Variants in LRIF1 observed in about 807,000 individuals in gnomAD.
LRIF1 encodes the protein ligand-dependent nuclear receptor-interacting factor 1.
Under a neutral mutation model 52.7 loss-of-function variants are expected in LRIF1, and 32 were observed. That is an observed-to-expected ratio of 0.61 (90% CI 0.46 to 0.82). The LOEUF (loss-of-function observed/expected upper bound fraction) is 0.82. Among genes scored for constraint, LRIF1 ranks in the 40% least tolerant of loss-of-function variants. The probability of loss-of-function intolerance (pLI) is 0.00; values close to 1 mark genes in which losing one functional copy is unlikely to be tolerated. For synonymous variants in LRIF1, 323 were observed against 317.4 expected (o/e 1.02, Z -0.19); for missense variants, 887 against 892.0 (o/e 0.99, Z 0.07).
the LRIF1 span, among the ~76,000 whole-genome samples, chr1:110,900,918 G>C: frequency 6.6e-6 from 1 of 152,056 alleles, no homozygotes; most frequent in Non-Finnish European, 1.5e-5. Context: ...AATTATCTAC[G>C]TATAACCACA....
the LRIF1 span, chr1:110,936,895 T>C: frequency 4.6e-5 from 7 of 152,242 alleles, no homozygotes; most frequent in East Asian, 9.6e-4. Context: ...TGGAAAAAGA[T>C]ATTCCATTCC....
downstream of LRIF1, among the ~76,000 whole-genome samples, chr1:110,945,658 C>T (rs928816869): frequency 6.6e-6 from 1 of 152,202 alleles, no homozygotes; most frequent in African/African-American, 2.4e-5. Context: ...AACTCCTTAC[C>T]TCAGGTGATC....
chr1:110,879,579 C>A, the LRIF1 span, among the ~76,000 whole-genome samples: 1 of 151,734 alleles, frequency 6.6e-6, no homozygotes, highest in East Asian at 1.9e-4. Context: ...TTTTCTTTAT[C>A]TTGGCTTTTG....
chr1:110,899,831 A>G, the LRIF1 span: 11 of 152,894 alleles, frequency 7.2e-5, no homozygotes, highest in African/African-American at 2.4e-4. Flanking sequence ...TGATAATCAC[A>G]GTAAGAAGAC....
At chr1:110,921,138 G>C in the LRIF1 span, among the ~76,000 whole-genome samples, 2 of 152,176 alleles carry the variant, frequency 1.3e-5, no homozygotes, top group African/African-American at 2.4e-5. Flanking sequence ...CATTTGAATT[G>C]TGAGGTGTGT....
the LRIF1 span, among the ~76,000 whole-genome samples, chr1:110,914,801 T>TA: frequency 6.6e-6 from 1 of 152,112 alleles, no homozygotes; most frequent in Non-Finnish European, 1.5e-5. Context: ...ATCAGATATA[T>TA]AAATAATACA....
At chr1:110,919,095 C>T in the LRIF1 span, among the ~76,000 whole-genome samples, 2 of 152,142 alleles carry the variant, frequency 1.3e-5, no homozygotes. Flanking sequence ...AAGTAAATGG[C>T]ACAACAGAGT....
chr1:110,894,476 G>A, the LRIF1 span: 1 of 1,109,532 alleles, frequency 9.0e-7, no homozygotes, highest in African/African-American at 1.5e-5. Flanking sequence ...TTGGTACAAA[G>A]TTACAGAATA....
At chr1:110,911,758 A>G in the LRIF1 span, among the ~76,000 whole-genome samples, 3 of 152,222 alleles carry the variant, frequency 2.0e-5, no homozygotes, top group Admixed American at 1.3e-4. Context: ...CAAAAACCAC[A>G]TGATCATCTC....
chr1:110,911,508 C>T, the LRIF1 span, among the ~76,000 whole-genome samples: 1 of 152,006 alleles, frequency 6.6e-6, no homozygotes, highest in Non-Finnish European at 1.5e-5. Context: ...TTCTACAAGG[C>T]CAGCATCATT....
the LRIF1 span, chr1:110,894,821 C>A: frequency 6.0e-6 from 4 of 669,872 alleles, no homozygotes; most frequent in Non-Finnish European, 8.2e-6. Flanking sequence ...AGATAAACAC[C>A]CTCCCCTCAC....
the LRIF1 span, among the ~76,000 whole-genome samples, chr1:110,934,078 A>T: frequency 6.6e-6 from 1 of 152,136 alleles, no homozygotes; most frequent in East Asian, 1.9e-4. Flanking sequence ...ACATTTCTAA[A>T]CACACCCTGG....
chr1:110,946,649 TC>T (rs1429520014), downstream of LRIF1, among the ~76,000 whole-genome samples: 5 of 141,492 alleles, frequency 3.5e-5, no homozygotes, highest in African/African-American at 5.2e-5. Flanking sequence ...AGAGATTTGA[TC>T]CTTTTTTTTT....
At chr1:110,963,099 TCTTA>T (rs1250612872) in intron 1 of LRIF1, among the ~76,000 whole-genome samples, 2 of 152,332 alleles carry the variant, frequency 1.3e-5, no homozygotes, top group South Asian at 2.1e-4. Context: ...ATTTCTCCAG[TCTTA>T]CTTCTCTCTC....
At chr1:110,881,703 A>AT in the LRIF1 span, among the ~76,000 whole-genome samples, 1 of 152,248 alleles carries the variant, frequency 6.6e-6, no homozygotes, top group Admixed American at 6.5e-5. Flanking sequence ...GAACATGGTT[A>AT]TACCATTTTA....
At chr1:110,892,279 G>C in the LRIF1 span, 1 of 1,077,540 alleles carries the variant, frequency 9.3e-7, no homozygotes, top group South Asian at 1.2e-5. Context: ...TCAAGGAAGT[G>C]AGAATATGAG....
At chr1:110,912,586 C>A in the LRIF1 span, among the ~76,000 whole-genome samples, 23 of 152,180 alleles carry the variant, frequency 1.5e-4, no homozygotes, top group Admixed American at 2.0e-4. Context: ...ATGATAGCCA[C>A]AATAATAATA....
At chr1:110,950,515 C>T (rs1300644580) in intron 2 of LRIF1, among the ~76,000 whole-genome samples, 1 of 152,100 alleles carries the variant, frequency 6.6e-6, no homozygotes, top group Non-Finnish European at 1.5e-5. Context: ...CCTTACATCT[C>T]TGGAGTTCAA....
At chr1:110,892,291 A>T in the LRIF1 span, 1 of 1,211,920 alleles carries the variant, frequency 8.3e-7, no homozygotes, top group Non-Finnish European at 1.2e-6. Flanking sequence ...GAATATGAGG[A>T]GATACCCAAG....
Sources: allele counts gnomAD v4.1 joint callset (sites outside exome capture counted in the v4.1 genomes callset), GRCh38; gene constraint gnomAD v4.1.1; transcripts MANE v1.5; gene names NCBI Gene and HGNC (gene_info 2026-07-23, HGNC 2026-07-21).